CPVL: variants seen among roughly 807,000 people sequenced by gnomAD.
The protein encoded by CPVL is probable serine carboxypeptidase CPVL.
CPVL carries 51 observed loss-of-function variants against 63.7 expected under a neutral mutation model. The ratio of observed to expected loss-of-function variants is 0.80; its 90% confidence interval spans 0.64 to 1.01. The LOEUF (loss-of-function observed/expected upper bound fraction) is 1.01, where lower values mean the gene tolerates loss of function less well. CPVL is among the 50% of genes least tolerant of loss of function. The pLI is 0.00. For missense variants in CPVL, 530 were observed against 573.1 expected (o/e 0.92, Z 0.77); for synonymous variants, 195 against 206.0 (o/e 0.95, Z 0.46).
chr7:29,194,772 T>C, intron 1 of CPVL: 1 of 484,420 alleles, frequency 2.1e-6, no homozygotes, highest in South Asian at 5.7e-5. Context: ...CAGCGCGTCA[T>C]CTGGTGGAGC....
In CPVL at chr7:29,040,300, A is replaced by G. The variant is rs142108612; in HGVS notation, c.1138-9541T>C. Among the ~76,000 whole-genome samples, 467 of 152,366 alleles carry G rather than the reference A, an allele frequency of 3.1e-3. 3 individuals carry two copies. The highest frequency in any genetic ancestry group is 0.011 in the African/African-American group (445 of 41,594). ...ATTAATTTCACTATTATCCAGCTCAACAAACAATAATTCCCATGGGTTTCC... is the reference window on the plus strand; with the variant it reads ...ATTAATTTCACTATTATCCAGCTCAGCAAACAATAATTCCCATGGGTTTCC... On this transcript the variant is annotated intron_variant, in intron 11 of 12. Coordinates refer to ENST00000265394, the MANE Select transcript of CPVL (RefSeq NM_031311.5).
At chr7:29,161,188 GC>G (rs1428032567) in intron 5 of CPVL, among the ~76,000 whole-genome samples, 6 of 152,258 alleles carry the variant, frequency 3.9e-5, no homozygotes, top group Non-Finnish European at 8.8e-5. Flanking sequence ...TTCAACATTA[GC>G]CTTGACCAGG....
rs773179638 is a variant in CPVL, at chr7:29,194,968, G to A, written c.-448+109C>T. ...TGGCAGCGTCCAGCAACTCCAGCCT[G>A]TCCGGCTCGTCGGTGTCCTCCGGTG... On this transcript the variant is annotated intron_variant, in intron 1 of 16. Coordinates refer to the CPVL transcript ENST00000409850. The A allele has an allele frequency of 1.5e-4, 238 of 1,585,922 alleles. 1 individual carries two copies. The highest frequency in any genetic ancestry group is 3.4e-5 in the Non-Finnish European group (40 of 1,168,890).
intron 11 of CPVL, among the ~76,000 whole-genome samples, chr7:29,044,814 T>C (rs1789459483): frequency 6.6e-6 from 1 of 152,166 alleles, no homozygotes; most frequent in Non-Finnish European, 1.5e-5. Flanking sequence ...ATACATTTCT[T>C]AGCTTACTGG....
rs183568528 is a variant in CPVL at position 29,051,511 on chromosome 7, A to G, written c.1137+12550T>C. Among the ~76,000 whole-genome samples the G allele has an allele frequency of 6.4e-4, 97 of 152,318 alleles. 2 individuals carry two copies. In the East Asian group the frequency reaches 6.6e-3, roughly 10 times the overall value. ...TATGAAAAAACGCTCAACATCACTAATGATTATGGAAATGCAAATTAAAAC... is the reference window on the plus strand; with the variant it reads ...TATGAAAAAACGCTCAACATCACTAGTGATTATGGAAATGCAAATTAAAAC... On this transcript the variant is annotated intron_variant, in intron 11 of 12. Coordinates refer to ENST00000265394, the MANE Select transcript of CPVL (RefSeq NM_031311.5).
intron 6 of CPVL, among the ~76,000 whole-genome samples, chr7:29,088,535 T>A (rs1173266638): frequency 1.3e-5 from 2 of 152,194 alleles, no homozygotes; most frequent in East Asian, 3.9e-4. Context: ...ATGAAAAAAG[T>A]AAATTTAGTA....
At chr7:29,183,726 C>T (rs1798355258) in intron 4 of CPVL, among the ~76,000 whole-genome samples, 2 of 151,526 alleles carry the variant, frequency 1.3e-5, no homozygotes, top group African/African-American at 4.9e-5. Flanking sequence ...GAAAGAGAAC[C>T]AATAAGAGAG....
chr7:29,118,230 A>G (rs75416226), intron 2 of CPVL, among the ~76,000 whole-genome samples: 2,471 of 152,346 alleles, frequency 0.016, 64 homozygotes, highest in African/African-American at 0.057. Context: ...AAAGTATTTC[A>G]GTCTCAATTT....
upstream of CPVL, chr7:29,148,417 T>C (rs1178541338): frequency 1.3e-5 from 2 of 152,252 alleles, no homozygotes; most frequent in South Asian, 2.1e-4. Flanking sequence ...CTGCAACTTA[T>C]AAGAACACCA....
In CPVL at chr7:29,191,664, A is replaced by G. The variant is rs567343492; in HGVS notation, c.-448+3413T>C. ...TATCCCATAAGTCTTTTAATATTTG[A>G]AGAAAAAAGGCAGAAATGTCTTTTA... On this transcript the variant is annotated intron_variant, in intron 1 of 16. Coordinates refer to the CPVL transcript ENST00000409850. The G allele has an allele frequency of 2.9e-4, 44 of 152,378 alleles. 1 individual carries two copies. Among genetic ancestry groups the G allele is most frequent in the Middle Eastern group, 3.4e-3 (1 of 294 alleles). 9.4% of individuals were successfully genotyped at this position (152,378 alleles called of 1,614,324 possible). A position where few individuals can be genotyped will look rare whatever the true frequency, so the allele number is the denominator to read the frequency against.
rs919450828 is a variant in CPVL, at chr7:29,069,409, C to A, written c.864+2364G>T. Reference sequence around the variant, plus strand: ...TGAGCTGAGATCTTGCCACTGCACTCCAGCCTGGGCAAGAGAGCGAGACTC... The same window carrying A: ...TGAGCTGAGATCTTGCCACTGCACTACAGCCTGGGCAAGAGAGCGAGACTC... On this transcript the variant is annotated intron_variant, in intron 9 of 12. Transcript: ENST00000265394. 2.7e-5 allele frequency among the ~76,000 whole-genome samples: 4 copies of A among 148,838 alleles called. No homozygotes were observed. In the East Asian group the frequency reaches 8.0e-4, roughly 30 times the overall value.
chr7:29,007,080 A>G (rs1785269491), intron 12 of CPVL, among the ~76,000 whole-genome samples: 1 of 152,218 alleles, frequency 6.6e-6, no homozygotes, highest in Non-Finnish European at 1.5e-5. Flanking sequence ...CAGACTTCTC[A>G]GTATTTATCC....
At chr7:29,050,305 C>T (rs1366348751) in intron 11 of CPVL, among the ~76,000 whole-genome samples, 2 of 152,008 alleles carry the variant, frequency 1.3e-5, no homozygotes, top group Non-Finnish European at 2.9e-5. Flanking sequence ...TTCGACAAAG[C>T]TTCTGGATAC....
intron 5 of CPVL, among the ~76,000 whole-genome samples, chr7:29,176,487 G>A (rs1341692166): frequency 6.6e-6 from 1 of 152,142 alleles, no homozygotes; most frequent in East Asian, 1.9e-4. Context: ...ATTGCTGAAG[G>A]AAATTAACTG....
chr7:29,125,474 C>T (rs1440084185), intron 1 of CPVL, among the ~76,000 whole-genome samples: 2 of 151,120 alleles, frequency 1.3e-5, no homozygotes, highest in African/African-American at 4.9e-5. Context: ...CTCACTACAA[C>T]CTCCGCCTCC....
At position 29,092,635 on chromosome 7, in the gene CPVL, C is replaced by T. The variant is rs757263841; in HGVS notation, c.530G>A (p.Arg177Gln). The change falls in exon 6 of 13, where the codon CGG becomes CAG. Residue 177 changes from arginine (R) to glutamine (Q), a missense_variant. Transcript: ENST00000265394. ...AGGAGCATTTTACCTGTATAAATCCCGTGCTACATCGTCCTCATTGACTGC... is the reference window on the plus strand; with the variant it reads ...AGGAGCATTTTACCTGTATAAATCCTGTGCTACATCGTCCTCATTGACTGC... ...GYAVNEDDVARDLYSALIQFF... is the reference protein window; with the variant it reads ...GYAVNEDDVAQDLYSALIQFF... 1.5e-5 allele frequency: 24 copies of T among 1,612,772 alleles called. No individual in the cohort carries two copies. Among genetic ancestry groups the T allele is most frequent in the African/African-American group, 4.0e-5 (3 of 74,888 alleles).
At chr7:29,007,013 A>G (rs1479242632) in intron 12 of CPVL, among the ~76,000 whole-genome samples, 1 of 152,166 alleles carries the variant, frequency 6.6e-6, no homozygotes, top group Non-Finnish European at 1.5e-5. Flanking sequence ...AGCAAATCCC[A>G]ATTCCCTCTT....
chr7:29,149,571 G>A (rs1793302853), upstream of CPVL, among the ~76,000 whole-genome samples: 1 of 152,216 alleles, frequency 6.6e-6, no homozygotes, highest in Non-Finnish European at 1.5e-5. Flanking sequence ...TAGGACAGGA[G>A]TATGTGCTTT....
intron 12 of CPVL, among the ~76,000 whole-genome samples, chr7:28,999,089 G>A (rs564748888): frequency 6.6e-6 from 1 of 152,016 alleles, no homozygotes; most frequent in African/African-American, 2.4e-5. Context: ...ATGCACGCCT[G>A]TAATCCCAAC....
Sources: allele counts gnomAD v4.1 joint callset (sites outside exome capture counted in the v4.1 genomes callset), GRCh38; gene constraint gnomAD v4.1.1; transcripts MANE v1.5; gene names NCBI Gene and HGNC (gene_info 2026-07-23, HGNC 2026-07-21).